The following GANC variants were observed in gnomAD, a reference collection of about 807,000 sequenced individuals.
The protein encoded by GANC is glucosidase alpha, neutral C.
In GANC, 117 loss-of-function variants were observed where a neutral mutation model predicts 124.2. The observed-to-expected ratio is 0.94, with a 90% CI of 0.81 to 1.10. The LOEUF (loss-of-function observed/expected upper bound fraction) is 1.10. Ranked by LOEUF, GANC falls within the 50% of genes least tolerant of loss-of-function variation. GANC has a pLI of 0.00. For missense variants in GANC, 1,140 were observed against 1,095.0 expected (o/e 1.04, Z -0.58); for synonymous variants, 377 against 376.8 (o/e 1.00, Z -0.01).
chr15:42,328,962 T>C (rs1356595736), intron 13 of GANC, among the ~76,000 whole-genome samples: 1 of 152,214 alleles, frequency 6.6e-6, no homozygotes, highest in African/African-American at 2.4e-5. Context: ...GGAGCCCAAT[T>C]GTGAACATTC....
chr15:42,294,910 G>A (rs1415875434), intron 5 of GANC, among the ~76,000 whole-genome samples: 1 of 149,716 alleles, frequency 6.7e-6, no homozygotes, highest in East Asian at 1.9e-4. Context: ...ATATATACAA[G>A]TATATTTATA....
At chr15:42,296,728 T>A (rs2051895684) in intron 5 of GANC, among the ~76,000 whole-genome samples, 1 of 152,156 alleles carries the variant, frequency 6.6e-6, no homozygotes, top group Admixed American at 6.6e-5. Context: ...CACATATGTA[T>A]GAATTCCCAA....
intron 10 of GANC, among the ~76,000 whole-genome samples, chr15:42,315,892 A>G (rs987707107): frequency 1.3e-5 from 2 of 152,128 alleles, no homozygotes; most frequent in African/African-American, 4.8e-5. Context: ...GTTTTCTAGT[A>G]TGCCAGTATC....
intron 20 of GANC, among the ~76,000 whole-genome samples, chr15:42,347,008 T>C (rs1293292047): frequency 1.3e-5 from 2 of 152,166 alleles, no homozygotes; most frequent in Admixed American, 1.3e-4. Flanking sequence ...TTATCTACTC[T>C]AATCCCTCAC....
At chr15:42,326,144 TTTTG>T (rs2052196508) in intron 11 of GANC, among the ~76,000 whole-genome samples, 150 bp from the exon 12 acceptor site, 1 of 152,250 alleles carries the variant, frequency 6.6e-6, no homozygotes, top group South Asian at 2.1e-4. Flanking sequence ...AATATTTATT[TTTTG>T]TTTTTGTTTT....
chr15:42,293,410 CT>C lies in GANC; in HGVS notation c.512+497del, dbSNP rs1288779371. Among the ~76,000 whole-genome samples, 9 of 152,134 alleles carry C rather than the reference CT, an allele frequency of 5.9e-5. No individual in the cohort carries two copies. In the East Asian group the frequency reaches 1.7e-3, roughly 29 times the overall value. ...ATTCTTACGAACACTGTTTTTAAAT[CT>C]TTTAGTCTATAGTTCTTTCTATTTT... is the stretch of plus-strand genomic sequence containing the variant. On this transcript the variant is annotated intron_variant, in intron 5 of 23. Coordinates refer to ENST00000318010, the MANE Select transcript of GANC (RefSeq NM_198141.3).
intron 11 of GANC, among the ~76,000 whole-genome samples, chr15:42,322,707 G>A (rs1420492923): frequency 6.6e-6 from 1 of 152,210 alleles, no homozygotes; most frequent in East Asian, 1.9e-4. Context: ...ATGCTTCCCT[G>A]GTGGACTCCA....
At chr15:42,280,599 G>A (rs1034409058) in intron 3 of GANC, among the ~76,000 whole-genome samples, 34 of 152,084 alleles carry the variant, frequency 2.2e-4, no homozygotes, top group Admixed American at 7.9e-4. Flanking sequence ...TTTCTGTCAA[G>A]TTTTTCTTCT....
chr15:42,301,824 G>C (rs368356047), intron 6 of GANC, among the ~76,000 whole-genome samples: 2 of 152,188 alleles, frequency 1.3e-5, no homozygotes, highest in African/African-American at 4.8e-5. Flanking sequence ...CCTGGGCAGG[G>C]CATCTCTGAA....
At chr15:42,282,604 C>G (rs1284957279) in intron 3 of GANC, among the ~76,000 whole-genome samples, 1 of 152,142 alleles carries the variant, frequency 6.6e-6, no homozygotes, top group Non-Finnish European at 1.5e-5. Flanking sequence ...CCTGCCTGCC[C>G]CTACACCTTT....
intron 2 of GANC, chr15:42,278,015 T>C (rs1487217184): frequency 5.2e-6 from 2 of 384,178 alleles, no homozygotes; most frequent in East Asian, 7.5e-5. Flanking sequence ...ATTCCCTCTC[T>C]GTTTAATAGG....
chr15:42,283,681 C>T (rs1217325465), intron 3 of GANC: 1 of 702,588 alleles, frequency 1.4e-6, no homozygotes. Context: ...TATCTCTGAG[C>T]ACCTCTGTGA....
rs982054731 is a variant in GANC, at chr15:42,333,341, A to T, written c.1741+2669A>T. On this transcript the variant is annotated intron_variant, in intron 15 of 23. Coordinates refer to ENST00000318010, the MANE Select transcript of GANC (RefSeq NM_198141.3). ...AAACTCCATCTCAAAAAAAAAAAGA[A>T]TTTTTTTTTTCCTGGCCATAGGGCG... Among the ~76,000 whole-genome samples, 11 of 150,546 alleles carry T rather than the reference A, an allele frequency of 7.3e-5. 1 individual carries two copies. The highest frequency in any genetic ancestry group is 6.8e-3 in the Middle Eastern group (2 of 292).
chr15:42,352,982 A>G lies in GANC; in HGVS notation c.*843A>G. 1.6e-6 allele frequency: 1 copy of G among 639,430 alleles called. No homozygotes were observed. The highest frequency in any genetic ancestry group is 7.1e-5 in the South Asian group (1 of 14,184). The allele number at this position is 639,430 out of a possible 1,614,324, so 39.6% of individuals were successfully genotyped here. On this transcript the variant is annotated 3_prime_UTR_variant, in exon 24 of 24. Coordinates refer to ENST00000318010, the MANE Select transcript of GANC (RefSeq NM_198141.3). ...AAAAAATACAGTAATCAAAGTAAGT[A>G]ATATTTCAATCCAATATTTTTAAAA...
chr15:42,290,351 A>G (rs2051829540), intron 4 of GANC, among the ~76,000 whole-genome samples: 1 of 152,250 alleles, frequency 6.6e-6, no homozygotes, highest in Non-Finnish European at 1.5e-5. Context: ...AGGTATTGTC[A>G]GAAGATTGTT....
intron 8 of GANC, among the ~76,000 whole-genome samples, chr15:42,309,404 C>T (rs1356770524): frequency 6.6e-6 from 1 of 151,878 alleles, no homozygotes; most frequent in Admixed American, 6.6e-5. Context: ...ACTGCAACCT[C>T]TGCCTCCCAG....
chr15:42,332,191 TTAAA>T (rs1271988581), intron 15 of GANC, among the ~76,000 whole-genome samples: 24 of 152,162 alleles, frequency 1.6e-4, no homozygotes, highest in Non-Finnish European at 3.5e-4. Flanking sequence ...AGATAGTAAT[TTAAA>T]TAAATAAGTG....
chr15:42,316,609 A>G (rs2052105835), intron 10 of GANC, among the ~76,000 whole-genome samples: 1 of 152,206 alleles, frequency 6.6e-6, no homozygotes, highest in Non-Finnish European at 1.5e-5. Context: ...GAGAAACATG[A>G]AAGTGGACAA....
intron 5 of GANC, among the ~76,000 whole-genome samples, chr15:42,297,200 C>T (rs1202393836): frequency 1.3e-5 from 2 of 151,980 alleles, no homozygotes; most frequent in Non-Finnish European, 2.9e-5. Context: ...GCATGTTTAA[C>T]ATTTATAATA....
Sources: allele counts gnomAD v4.1 joint callset (sites outside exome capture counted in the v4.1 genomes callset), GRCh38; gene constraint gnomAD v4.1.1; transcripts MANE v1.5; gene names NCBI Gene and HGNC (gene_info 2026-07-23, HGNC 2026-07-21).